The following UHRF2 variants were observed in gnomAD, a reference collection of about 807,000 sequenced individuals.
UHRF2 encodes ubiquitin like with PHD and ring finger domains 2, also known as E3 ubiquitin-protein ligase UHRF2.
In UHRF2, 23 loss-of-function variants were observed where a neutral mutation model predicts 96.8. The ratio of observed to expected loss-of-function variants is 0.24; its 90% confidence interval spans 0.17 to 0.34. The LOEUF (loss-of-function observed/expected upper bound fraction) is 0.34, where lower values mean the gene tolerates loss of function less well. Among genes scored for constraint, UHRF2 ranks in the 10% least tolerant of loss-of-function variants. The pLI, the probability that UHRF2 is intolerant of heterozygous loss-of-function variation, is 1.00. For synonymous variants in UHRF2, 385 were observed against 332.6 expected, an observed-to-expected ratio of 1.16 and a Z score of -1.72; for missense variants, 685 against 981.5, an observed-to-expected ratio of 0.70 and a Z score of 4.04.
At chr9:6,473,402 T>G (rs1823370147) in intron 4 of UHRF2, among the ~76,000 whole-genome samples, 1 of 152,210 alleles carries the variant, frequency 6.6e-6, no homozygotes, top group African/African-American at 2.4e-5. Flanking sequence ...GGTCACCAAC[T>G]AGTTTAGTGA....
Position 6,500,983 on chromosome 9 carries a change from A to G in UHRF2, c.2163+274A>G, listed in dbSNP as rs144574538. 5.3e-4 allele frequency among the ~76,000 whole-genome samples: 80 copies of G among 152,314 alleles called. 1 individual carries two copies. Among genetic ancestry groups the G allele is most frequent in the Non-Finnish European group, 8.5e-4 (58 of 68,028 alleles). ...TCCTCAGAAGAATTTTCAGTTTGTG[A>G]AACATCGTCATTTTAATCTAAAAAT... is the stretch of plus-strand genomic sequence containing the variant. On this transcript the variant is annotated intron_variant, in intron 14 of 15. Coordinates refer to ENST00000276893, the MANE Select transcript of UHRF2 (RefSeq NM_152896.3).
At chr9:6,442,219 C>G (rs1288343892) in intron 3 of UHRF2, among the ~76,000 whole-genome samples, 1 of 152,156 alleles carries the variant, frequency 6.6e-6, no homozygotes, top group African/African-American at 2.4e-5. Context: ...CAGCCTCAGC[C>G]TCCCAAAGTG....
intron 1 of UHRF2, chr9:6,415,501 A>C (rs931863449): frequency 6.6e-6 from 1 of 152,198 alleles, no homozygotes; most frequent in Admixed American, 6.5e-5. Context: ...CTGGAGCTCC[A>C]CAGATGAGGT....
chr9:6,464,391 C>A (rs970257432), intron 4 of UHRF2, among the ~76,000 whole-genome samples: 3 of 151,812 alleles, frequency 2.0e-5, no homozygotes, highest in African/African-American at 7.3e-5. Context: ...TTGTCTTTTT[C>A]TCCTTACGAT....
chr9:6,447,787 G>T (rs941910101), intron 3 of UHRF2, among the ~76,000 whole-genome samples: 1 of 152,190 alleles, frequency 6.6e-6, no homozygotes, highest in Non-Finnish European at 1.5e-5. Flanking sequence ...ACATTGCCTA[G>T]TTTAGCAGGC....
intron 2 of UHRF2, among the ~76,000 whole-genome samples, chr9:6,428,533 CTTTTTTTTTTTTTTTTTTTTTTT>C (rs1171172143): frequency 4.6e-5 from 3 of 65,420 alleles, no homozygotes; most frequent in South Asian, 6.9e-4. Flanking sequence ...ATTGCTTTTG[CTTTTTTTTTTTTTTTTTTTTTTT>C]TTTTTTTTTT....
At chr9:6,459,148 G>A (rs954984659) in intron 3 of UHRF2, among the ~76,000 whole-genome samples, 11 of 152,048 alleles carry the variant, frequency 7.2e-5, no homozygotes, top group East Asian at 1.9e-4. Flanking sequence ...GCAAACCACC[G>A]TGGCACCTGT....
rs78737784 is a variant in UHRF2, at chr9:6,491,469, G to C, written c.1498-2357G>C. 2.2e-4 allele frequency among the ~76,000 whole-genome samples: 33 copies of C among 152,360 alleles called. No individual in the cohort carries two copies. The East Asian group carries it at 6.0e-3, about 28-fold the overall frequency. On this transcript the variant is annotated intron_variant, in intron 9 of 15. Transcript: ENST00000276893. ...TGCAGGGATGTAAAGGGTGTTATGA[G>C]AGAAGTTGGTAACATTTGAGGCTAT...
chr9:6,504,258 C>CA (rs763062946), intron 14 of UHRF2: 18 of 163,504 alleles, frequency 1.1e-4, no homozygotes, highest in Non-Finnish European at 2.1e-4. Flanking sequence ...ATCTCCTGAC[C>CA]TTGTGATCCG....
intron 3 of UHRF2, among the ~76,000 whole-genome samples, chr9:6,455,198 T>C (rs1822105838): frequency 6.6e-6 from 1 of 152,236 alleles, no homozygotes; most frequent in South Asian, 2.1e-4. Flanking sequence ...AGCTCGTTTG[T>C]TACATATGCA....
At chr9:6,472,854 C>G (rs1328089632) in intron 4 of UHRF2, among the ~76,000 whole-genome samples, 1 of 151,976 alleles carries the variant, frequency 6.6e-6, no homozygotes, top group Non-Finnish European at 1.5e-5. Context: ...TGGGATTTTT[C>G]TGGTTGGGGG....
chr9:6,437,674 G>A (rs1013956643), intron 3 of UHRF2, among the ~76,000 whole-genome samples: 1 of 152,144 alleles, frequency 6.6e-6, no homozygotes, highest in Non-Finnish European at 1.5e-5. Flanking sequence ...CTGGAGTGCA[G>A]TGGTGCGATC....
At chr9:6,473,090 C>A (rs900498534) in intron 4 of UHRF2, among the ~76,000 whole-genome samples, 1 of 152,148 alleles carries the variant, frequency 6.6e-6, no homozygotes, top group African/African-American at 2.4e-5. Flanking sequence ...GAAAGAAACT[C>A]CTGGCTGGGG....
Position 6,499,935 on chromosome 9 carries a change from G to C in UHRF2, c.2005+4G>C. The C allele has an allele frequency of 6.3e-7, 1 of 1,593,592 alleles. No homozygotes were observed. The highest frequency in any genetic ancestry group is 1.7e-4 in the Middle Eastern group (1 of 6,020). On this transcript the variant is annotated splice_donor_region_variant and intron_variant, in intron 13 of 15. Coordinates refer to ENST00000276893, the MANE Select transcript of UHRF2 (RefSeq NM_152896.3). ...ACAAAAAGGCCAATTTCAGATGGTAGGTAATGATTGCAAAATATAAATAAT... is the reference window on the plus strand; with the variant it reads ...ACAAAAAGGCCAATTTCAGATGGTACGTAATGATTGCAAAATATAAATAAT...
chr9:6,470,775 G>C (rs1823198228), intron 4 of UHRF2, among the ~76,000 whole-genome samples: 1 of 152,076 alleles, frequency 6.6e-6, no homozygotes, highest in Non-Finnish European at 1.5e-5. Flanking sequence ...AATCTCTAAT[G>C]CAACTACTAA....
At chr9:6,478,382 G>A (rs1307287627) in intron 6 of UHRF2, among the ~76,000 whole-genome samples, 1 of 152,148 alleles carries the variant, frequency 6.6e-6, no homozygotes, top group African/African-American at 2.4e-5. Flanking sequence ...CCCTAACCAT[G>A]TTAGATATCC....
intron 4 of UHRF2, 79 bp downstream of exon 4, chr9:6,460,870 C>A (rs1203193447): frequency 1.7e-6 from 2 of 1,158,934 alleles, no homozygotes; most frequent in Non-Finnish European, 2.4e-6. Flanking sequence ...GCACGTGTAC[C>A]TTAGTAAAAA....
intron 4 of UHRF2, among the ~76,000 whole-genome samples, chr9:6,467,936 T>A (rs1166983529): frequency 6.6e-6 from 1 of 152,182 alleles, no homozygotes; most frequent in East Asian, 1.9e-4. Context: ...ACTGTGAGAA[T>A]GGGTTGGTGT....
At chr9:6,451,570 G>A (rs1303091392) in intron 3 of UHRF2, among the ~76,000 whole-genome samples, 1 of 148,768 alleles carries the variant, frequency 6.7e-6, no homozygotes, top group Non-Finnish European at 1.5e-5. Context: ...TCCGCCCCCC[G>A]GGGTTCACAC....
Sources: gnomAD v4.1 joint callset for allele counts (sites outside exome capture counted in the v4.1 genomes callset) on GRCh38, gnomAD v4.1.1 for gene constraint, MANE v1.5 for transcripts, NCBI Gene and HGNC (gene_info 2026-07-23, HGNC 2026-07-21) for gene names.